FRMD4A: variants seen among roughly 807,000 people sequenced by gnomAD.
The protein encoded by FRMD4A is FERM domain-containing protein 4A.
A neutral mutation model predicts 129.1 loss-of-function variants in FRMD4A; 29 were observed. That is an observed-to-expected ratio of 0.22 (90% CI 0.17 to 0.31). The LOEUF (loss-of-function observed/expected upper bound fraction) is 0.31, where lower values mean the gene tolerates loss of function less well. FRMD4A is among the 10% of genes least tolerant of loss of function. FRMD4A has a pLI of 1.00. For synonymous variants in FRMD4A, 634 were observed against 571.6 expected, an observed-to-expected ratio of 1.11 and a Z score of -1.56; for missense variants, 1,272 against 1,375.8, an observed-to-expected ratio of 0.92 and a Z score of 1.19.
intron 6 of FRMD4A, among the ~76,000 whole-genome samples, chr10:13,782,400 C>T (rs188915272): frequency 1.3e-5 from 2 of 150,640 alleles, no homozygotes; most frequent in East Asian, 3.9e-4. Flanking sequence ...GCCAGAAACA[C>T]AGCCATGGAT....
intron 2 of FRMD4A, among the ~76,000 whole-genome samples, chr10:14,313,142 C>A (rs1846614977): frequency 6.6e-6 from 1 of 151,670 alleles, no homozygotes; most frequent in East Asian, 1.9e-4. Context: ...CACTTGAGCC[C>A]AGGAGTTCCT....
chr10:13,884,225 CA>C (rs1422751904), intron 2 of FRMD4A, among the ~76,000 whole-genome samples: 1 of 151,190 alleles, frequency 6.6e-6, no homozygotes, highest in African/African-American at 2.4e-5. Flanking sequence ...CACACACACA[CA>C]CACACACACA....
At chr10:14,241,572 G>A (rs537547897) in intron 2 of FRMD4A, among the ~76,000 whole-genome samples, 1 of 151,612 alleles carries the variant, frequency 6.6e-6, no homozygotes, top group East Asian at 1.9e-4. Context: ...GGACAACTGT[G>A]CACTCAGGCA....
At chr10:13,968,807 T>C (rs1334006436) in intron 2 of FRMD4A, among the ~76,000 whole-genome samples, 1 of 151,592 alleles carries the variant, frequency 6.6e-6, no homozygotes, top group Admixed American at 6.6e-5. Context: ...CATTCTGTAA[T>C]GGAGAAAGCA....
At chr10:13,849,712 C>T (rs1349572168) in intron 3 of FRMD4A, among the ~76,000 whole-genome samples, 1 of 151,414 alleles carries the variant, frequency 6.6e-6, no homozygotes, top group Non-Finnish European at 1.5e-5. Flanking sequence ...GTCCCGACCT[C>T]AGGTGACCCA....
At chr10:13,885,472 A>T (rs151244934) in intron 2 of FRMD4A, among the ~76,000 whole-genome samples, 100 of 152,294 alleles carry the variant, frequency 6.6e-4, no homozygotes, top group African/African-American at 2.3e-3. Flanking sequence ...CAGGGACACC[A>T]GCCTTGGCGC....
chr10:13,737,645 A>G (rs1056533790), intron 12 of FRMD4A, among the ~76,000 whole-genome samples, 199 bp downstream of exon 12: 1 of 152,082 alleles, frequency 6.6e-6, no homozygotes, highest in African/African-American at 2.4e-5. Flanking sequence ...ATTTCCTTAG[A>G]GACAGGGAGA....
intron 8 of FRMD4A, among the ~76,000 whole-genome samples, chr10:13,752,952 T>C (rs927327379): frequency 1.1e-4 from 16 of 152,224 alleles, no homozygotes; most frequent in Non-Finnish European, 1.9e-4. Flanking sequence ...GGTGCTGCCC[T>C]AGGCCCTGCC....
intron 12 of FRMD4A, among the ~76,000 whole-genome samples, chr10:13,735,058 A>T (rs955584381): frequency 5.3e-5 from 8 of 152,098 alleles, no homozygotes; most frequent in Non-Finnish European, 1.0e-4. Context: ...TTTTTAGTAG[A>T]GACGGAGTTT....
rs2085989968 is a variant in FRMD4A, at chr10:13,694,097, T to C, written c.976-58A>G. On this transcript the variant is annotated intron_variant, in intron 14 of 24. Coordinates refer to ENST00000357447, the MANE Select transcript of FRMD4A (RefSeq NM_018027.5). ...GACGCTCACCTTGCGGAAAGGACAGTCATCCCTCGCCCGCGCCTGCTCACC... is the reference window on the plus strand; with the variant it reads ...GACGCTCACCTTGCGGAAAGGACAGCCATCCCTCGCCCGCGCCTGCTCACC... The C allele has an allele frequency of 8.4e-6, 12 of 1,430,906 alleles. No individual in the cohort carries two copies. The Admixed American group carries it at 2.5e-4, about 30-fold the overall frequency. The allele number at this position is 1,430,906 out of a possible 1,614,324, so 88.6% of individuals were successfully genotyped here. A position where few individuals can be genotyped will look rare whatever the true frequency, so the allele number is the denominator to read the frequency against.
chr10:14,011,540 C>A (rs2095682399), intron 2 of FRMD4A, among the ~76,000 whole-genome samples: 1 of 152,150 alleles, frequency 6.6e-6, no homozygotes, highest in Non-Finnish European at 1.5e-5. Flanking sequence ...GCCTTCCAAT[C>A]TCCTGGCAGC....
At chr10:13,827,636 A>C (rs2093722668) in intron 3 of FRMD4A, among the ~76,000 whole-genome samples, 1 of 152,204 alleles carries the variant, frequency 6.6e-6, no homozygotes, top group Non-Finnish European at 1.5e-5. Flanking sequence ...AGAGGTAGGA[A>C]TGTTCAGAAA....
intron 8 of FRMD4A, among the ~76,000 whole-genome samples, 155 bp from the exon 9 acceptor site, chr10:13,747,974 C>T (rs1009559347): frequency 1.3e-5 from 2 of 152,280 alleles, no homozygotes; most frequent in East Asian, 1.9e-4. Context: ...TTTTTATTTC[C>T]GAAATACAGA....
At chr10:14,103,655 G>A (rs185735593) in intron 2 of FRMD4A, among the ~76,000 whole-genome samples, 1 of 152,290 alleles carries the variant, frequency 6.6e-6, no homozygotes, top group Non-Finnish European at 1.5e-5. Flanking sequence ...GATATCATTA[G>A]TGTATTTATT....
At chr10:14,150,396 AT>A (rs1473644964) in intron 2 of FRMD4A, among the ~76,000 whole-genome samples, 1 of 152,238 alleles carries the variant, frequency 6.6e-6, no homozygotes, top group Non-Finnish European at 1.5e-5. Context: ...CGTTATTTCC[AT>A]TTATAATGCA....
chr10:13,812,235 C>T (rs1404461862), intron 3 of FRMD4A, among the ~76,000 whole-genome samples: 1 of 152,248 alleles, frequency 6.6e-6, no homozygotes, highest in Admixed American at 6.5e-5. Flanking sequence ...ATTATATCTC[C>T]CCAAAATGCA....
At chr10:14,070,251 C>T (rs1350669779) in intron 2 of FRMD4A, among the ~76,000 whole-genome samples, 2 of 152,316 alleles carry the variant, frequency 1.3e-5, no homozygotes, top group East Asian at 1.9e-4. Context: ...AATCCAGCAC[C>T]TCCTCTATCC....
At chr10:13,750,436 G>A (rs146064194) in intron 8 of FRMD4A, among the ~76,000 whole-genome samples, 2 of 152,150 alleles carry the variant, frequency 1.3e-5, no homozygotes, top group South Asian at 4.1e-4. Context: ...GAAGGTGAGA[G>A]GAGCTCCTAC....
chr10:13,928,557 T>C (rs2095160362), intron 2 of FRMD4A, among the ~76,000 whole-genome samples: 1 of 152,208 alleles, frequency 6.6e-6, no homozygotes, highest in Non-Finnish European at 1.5e-5. Flanking sequence ...GACTAGCAGT[T>C]GGTTTTTTAA....
Sources: allele counts gnomAD v4.1 joint callset (sites outside exome capture counted in the v4.1 genomes callset), GRCh38; gene constraint gnomAD v4.1.1; transcripts MANE v1.5; gene names NCBI Gene and HGNC (gene_info 2026-07-23, HGNC 2026-07-21).